ALDH9A1: variants seen among roughly 807,000 people sequenced by gnomAD.
ALDH9A1 encodes 4-trimethylaminobutyraldehyde dehydrogenase.
In ALDH9A1, 42 loss-of-function variants were observed where a neutral mutation model predicts 56.6. That is an observed-to-expected ratio of 0.74 (90% CI 0.58 to 0.96). The LOEUF is 0.96. ALDH9A1 is among the 40% of genes least tolerant of loss of function. ALDH9A1 has a pLI of 0.00. For missense variants in ALDH9A1, 661 were observed against 651.5 expected, an observed-to-expected ratio of 1.01 and a Z score of -0.16; for synonymous variants, 242 against 236.0, an observed-to-expected ratio of 1.03 and a Z score of -0.23.
At chr1:165,688,613 C>T (rs1374347362) in intron 2 of ALDH9A1, among the ~76,000 whole-genome samples, 1 of 152,012 alleles carries the variant, frequency 6.6e-6, no homozygotes, top group East Asian at 1.9e-4. Context: ...GAAGCTGAGG[C>T]AAGAGGATCC....
chr1:165,697,491 G>C (rs1423480905), intron 1 of ALDH9A1, among the ~76,000 whole-genome samples: 1 of 152,082 alleles, frequency 6.6e-6, no homozygotes, highest in Non-Finnish European at 1.5e-5. Flanking sequence ...AATAAAGCTG[G>C]GGAAGAAAGT....
Position 165,665,031 on chromosome 1 carries a change from T to C in ALDH9A1, c.1449A>G (p.Gly483=), listed in dbSNP as rs1228001546. 1 of 1,613,886 alleles carries C rather than the reference T, an allele frequency of 6.2e-7. No homozygotes were observed. Among genetic ancestry groups the C allele is most frequent in the East Asian group, 2.2e-5 (1 of 44,876 alleles). The part of the protein sequence containing the change: ...NVSPVELPFG[G]YKKSGFGREN... ...CCAGCTCCTCACCTGACTTCTTATA[T>C]CCACCAAAGGGCAACTCCACTGGGC... The change falls in exon 10 of 11, where the codon GGA becomes GGG. Residue 483 remains glycine (G), a synonymous_variant. Coordinates refer to ENST00000354775, the MANE Select transcript of ALDH9A1 (RefSeq NM_000696.4).
chr1:165,687,530 A>G (rs1408352337), intron 2 of ALDH9A1, among the ~76,000 whole-genome samples: 1 of 152,194 alleles, frequency 6.6e-6, no homozygotes, highest in Non-Finnish European at 1.5e-5. Context: ...ATGACAGTAA[A>G]TTTCTCTTCT....
At chr1:165,663,228 A>C (rs918129189) in intron 10 of ALDH9A1, 84 bp from the exon 11 acceptor site, 1 of 1,106,688 alleles carries the variant, frequency 9.0e-7, no homozygotes, top group Non-Finnish European at 1.4e-6. Flanking sequence ...GAGCACTGCT[A>C]ATCAGGGCTA....
intron 2 of ALDH9A1, among the ~76,000 whole-genome samples, chr1:165,689,162 G>A (rs973484214): frequency 2.6e-5 from 4 of 152,068 alleles, no homozygotes; most frequent in Admixed American, 6.6e-5. Context: ...TTGGTTTATC[G>A]AATTAAAAAT....
chr1:165,673,386 G>A (rs1008483866), intron 6 of ALDH9A1, among the ~76,000 whole-genome samples: 2 of 152,196 alleles, frequency 1.3e-5, no homozygotes, highest in Non-Finnish European at 2.9e-5. Flanking sequence ...TCTGCCTATG[G>A]AGTAGCCATT....
chr1:165,671,750 G>A, intron 6 of ALDH9A1: 1 of 300,728 alleles, frequency 3.3e-6, no homozygotes, highest in South Asian at 3.3e-5. Flanking sequence ...ATGTACTTGA[G>A]CAATAAAATA....
At chr1:165,697,181 C>T (rs1002762152) in intron 1 of ALDH9A1, among the ~76,000 whole-genome samples, 4 of 152,208 alleles carry the variant, frequency 2.6e-5, no homozygotes, top group Non-Finnish European at 4.4e-5. Flanking sequence ...AAATCCAGTG[C>T]CTAGCACAGT....
Position 165,678,449 on chromosome 1 carries a change from A to T in ALDH9A1, c.930+993T>A, listed in dbSNP as rs899951784. On this transcript the variant is annotated intron_variant, in intron 6 of 10. Coordinates refer to ENST00000354775, the MANE Select transcript of ALDH9A1 (RefSeq NM_000696.4). ...GGGTCCATACTGATATAAATAAATGAATGGAAAACAAACAGGGGTGAAGGG... is the reference window on the plus strand; with the variant it reads ...GGGTCCATACTGATATAAATAAATGTATGGAAAACAAACAGGGGTGAAGGG... Among the ~76,000 whole-genome samples, 63 of 152,362 alleles carry T rather than the reference A, an allele frequency of 4.1e-4. 1 individual carries two copies. Among genetic ancestry groups the T allele is most frequent in the African/African-American group, 1.5e-3 (62 of 41,592 alleles).
At chr1:165,679,731 A>G in intron 5 of ALDH9A1, 149 bp from the exon 6 acceptor site, 1 of 814,068 alleles carries the variant, frequency 1.2e-6, no homozygotes, top group South Asian at 1.7e-5. Flanking sequence ...TTGGCTATTA[A>G]AATATTCTAT....
At position 165,683,079 on chromosome 1, in the gene ALDH9A1, C is replaced by CA; in HGVS notation, c.358dup (p.Cys120LeufsTer10). The CA allele has an allele frequency of 6.2e-7, 1 of 1,614,064 alleles. No homozygotes were observed. ...AAAGATGGACTTGCCATTGTTGATG[C>CA]ACTCCATAGTAGCAATTTCATCCTC... On this transcript the variant is annotated frameshift_variant, in exon 3 of 11. Transcript: ENST00000354775. LOFTEE classifies it high-confidence loss of function.
At chr1:165,687,051 T>A (rs779452248) in intron 2 of ALDH9A1, among the ~76,000 whole-genome samples, 44 of 151,686 alleles carry the variant, frequency 2.9e-4, no homozygotes, top group Admixed American at 3.9e-4. Flanking sequence ...ATACACTAGA[T>A]GAGATTAACA....
intron 2 of ALDH9A1, among the ~76,000 whole-genome samples, chr1:165,693,343 T>C (rs1649956247): frequency 6.6e-6 from 1 of 152,164 alleles, no homozygotes; most frequent in South Asian, 2.1e-4. Flanking sequence ...ATCCAGAATC[T>C]ACAATGAACT....
At chr1:165,670,618 T>C (rs1315498549) in intron 6 of ALDH9A1, among the ~76,000 whole-genome samples, 1 of 152,174 alleles carries the variant, frequency 6.6e-6, no homozygotes, top group Non-Finnish European at 1.5e-5. Flanking sequence ...AAAATTGGAA[T>C]AAAATTATTT....
intron 2 of ALDH9A1, among the ~76,000 whole-genome samples, chr1:165,688,047 T>C (rs533455000): frequency 2.0e-5 from 3 of 151,552 alleles, no homozygotes; most frequent in Non-Finnish European, 2.9e-5. Context: ...CTGGGTACAG[T>C]GGCACACACG....
At chr1:165,689,933 C>CA (rs1227331541) in intron 2 of ALDH9A1, among the ~76,000 whole-genome samples, 3 of 90,118 alleles carry the variant, frequency 3.3e-5, no homozygotes, top group African/African-American at 4.0e-5. Flanking sequence ...GACTCCATCA[C>CA]AAAAAAAAAA....
At chr1:165,683,332 C>A (rs1276922345) in intron 2 of ALDH9A1, among the ~76,000 whole-genome samples, 2 of 152,054 alleles carry the variant, frequency 1.3e-5, no homozygotes, top group Non-Finnish European at 2.9e-5. Context: ...TTTAAGACCA[C>A]TACTTTATTT....
chr1:165,687,708 C>T lies in ALDH9A1; in HGVS notation c.328-4598G>A, dbSNP rs137946315. Among the ~76,000 whole-genome samples, 1,036 of 152,210 alleles carry T rather than the reference C, an allele frequency of 6.8e-3. 8 individuals are homozygous for T. The highest frequency in any genetic ancestry group is 0.01 in the South Asian group (50 of 4,824). ...TGCACTATAAGAAATGCTAGCCTGG[C>T]GGGGTGCAGTGGCTCACACCTGTAA... On this transcript the variant is annotated intron_variant, in intron 2 of 10. Transcript: ENST00000354775.
intron 2 of ALDH9A1, among the ~76,000 whole-genome samples, chr1:165,693,542 A>T (rs202110710): frequency 6.6e-6 from 1 of 152,178 alleles, no homozygotes; most frequent in African/African-American, 2.4e-5. Context: ...TTAGAATGGC[A>T]ATCATTAAAA....
Sources: allele counts gnomAD v4.1 joint callset (sites outside exome capture counted in the v4.1 genomes callset), GRCh38; gene constraint gnomAD v4.1.1; transcripts MANE v1.5; gene names NCBI Gene and HGNC (gene_info 2026-07-23, HGNC 2026-07-21).